The following RABGAP1 variants were observed in gnomAD, a reference collection of about 807,000 sequenced individuals.
The protein encoded by RABGAP1 is rab GTPase-activating protein 1.
In RABGAP1, 23 loss-of-function variants were observed where a neutral mutation model predicts 137.6. The observed-to-expected ratio is 0.17, with a 90% CI of 0.12 to 0.24. The LOEUF is 0.24. Ranked by LOEUF, RABGAP1 falls within the 10% of genes least tolerant of loss-of-function variation. The pLI is 1.00. For synonymous variants in RABGAP1, 451 were observed against 450.7 expected (o/e 1.00, Z -0.01); for missense variants, 906 against 1,275.8 (o/e 0.71, Z 4.42).
At chr9:122,951,843 G>T (rs984977209) in intron 1 of RABGAP1, among the ~76,000 whole-genome samples, 3 of 152,146 alleles carry the variant, frequency 2.0e-5, no homozygotes, top group Non-Finnish European at 4.4e-5. Flanking sequence ...AAGTTTTTGG[G>T]ATAATAGGCA....
At chr9:123,060,134 C>T (rs563511176) in intron 13 of RABGAP1, among the ~76,000 whole-genome samples, 56 of 152,290 alleles carry the variant, frequency 3.7e-4, no homozygotes, top group Non-Finnish European at 7.2e-4. Flanking sequence ...TGTGAGATTA[C>T]AGTTTTTGTG....
chr9:123,083,758 G>A (rs2034783489), intron 19 of RABGAP1, among the ~76,000 whole-genome samples: 1 of 152,212 alleles, frequency 6.6e-6, no homozygotes, highest in South Asian at 2.1e-4. Context: ...TCTGCTGTGT[G>A]ACCCCAGGGT....
intron 13 of RABGAP1, among the ~76,000 whole-genome samples, chr9:123,022,679 A>G (rs950447512): frequency 5.9e-5 from 9 of 152,132 alleles, no homozygotes; most frequent in Non-Finnish European, 2.9e-5. Flanking sequence ...TGCTGGGATT[A>G]CAAGTGTGAG....
At chr9:123,057,542 G>A (rs559221050) in intron 13 of RABGAP1, among the ~76,000 whole-genome samples, 74 of 151,614 alleles carry the variant, frequency 4.9e-4, no homozygotes, top group African/African-American at 1.7e-3. Context: ...GATGGCGGCC[G>A]GGCAGAGACG....
At chr9:123,042,358 T>C (rs2032993253) in intron 13 of RABGAP1, among the ~76,000 whole-genome samples, 1 of 152,170 alleles carries the variant, frequency 6.6e-6, no homozygotes, top group Admixed American at 6.5e-5. Context: ...ATTGCACTTT[T>C]GAGAAAAAGT....
intron 1 of RABGAP1, among the ~76,000 whole-genome samples, chr9:122,956,649 C>CAAAA (rs10661742): frequency 8.2e-6 from 1 of 121,518 alleles, no homozygotes; most frequent in African/African-American, 3.3e-5. Context: ...GACTCCGTCT[C>CAAAA]AAAAAAAAAA....
chr9:123,057,427 A>G (rs1365853412), intron 13 of RABGAP1, among the ~76,000 whole-genome samples: 3 of 142,894 alleles, frequency 2.1e-5, no homozygotes, highest in African/African-American at 8.0e-5. Context: ...GCGGCAGGGC[A>G]GAGGCGCTCC....
At chr9:123,007,137 G>C (rs1445371026) in intron 10 of RABGAP1, among the ~76,000 whole-genome samples, 1 of 151,304 alleles carries the variant, frequency 6.6e-6, no homozygotes, top group Non-Finnish European at 1.5e-5. Context: ...GCAGTGGCAT[G>C]ATCCTGGCTC....
intron 4 of RABGAP1, 119 bp downstream of exon 4, chr9:122,986,538 C>T: frequency 9.1e-7 from 1 of 1,093,906 alleles, no homozygotes; most frequent in East Asian, 2.5e-5. Flanking sequence ...TGTAACGTTT[C>T]ATTTACCTGG....
At chr9:123,041,944 A>T (rs1021874405) in intron 13 of RABGAP1, among the ~76,000 whole-genome samples, 2 of 152,018 alleles carry the variant, frequency 1.3e-5, no homozygotes, top group African/African-American at 2.4e-5. Flanking sequence ...TCCCACCTGA[A>T]TCCCCATCCC....
intron 1 of RABGAP1, among the ~76,000 whole-genome samples, chr9:122,950,446 A>G (rs1432174096): frequency 1.5e-5 from 2 of 135,746 alleles, no homozygotes; most frequent in Non-Finnish European, 1.5e-5. Context: ...GAGAATCTAG[A>G]AAGAAGAATC....
chr9:123,005,212 TTTA>T (rs2030122442), intron 10 of RABGAP1, among the ~76,000 whole-genome samples: 1 of 152,112 alleles, frequency 6.6e-6, no homozygotes, highest in Non-Finnish European at 1.5e-5. Context: ...GGAATAATTT[TTTA>T]TTGTGGTTCT....
chr9:123,029,544 C>G (rs7031933), intron 13 of RABGAP1: 149,660 of 777,130 alleles, frequency 0.19, 23,382 homozygotes, highest in East Asian at 0.69. Context: ...GAGACCACAA[C>G]TGGAGTTATA....
chr9:122,997,324 C>A lies in RABGAP1; in HGVS notation c.1167C>A (p.Ser389=). The change falls in exon 9 of 26, where the codon TCC becomes TCA. Residue 389 remains serine (S), a synonymous_variant. Coordinates refer to ENST00000373647, the MANE Select transcript of RABGAP1 (RefSeq NM_012197.4). ...YVITGSWNPK[S]PHFQVVNEET... ...TTACGGGGAGCTGGAATCCAAAATC[C>A]CCACATTTTCAAGTTGTAAATGAAG... 6.2e-7 allele frequency: 1 copy of A among 1,611,304 alleles called. No individual in the cohort carries two copies. The highest frequency in any genetic ancestry group is 8.5e-7 in the Non-Finnish European group (1 of 1,178,600).
chr9:123,028,625 G>T (rs2032120852), intron 13 of RABGAP1, among the ~76,000 whole-genome samples: 1 of 152,234 alleles, frequency 6.6e-6, no homozygotes, highest in African/African-American at 2.4e-5. Flanking sequence ...GACCAGAGAG[G>T]TGGTAGATAG....
chr9:122,942,332 A>T (rs757572528), intron 1 of RABGAP1, among the ~76,000 whole-genome samples: 3 of 152,186 alleles, frequency 2.0e-5, no homozygotes, highest in Non-Finnish European at 4.4e-5. Flanking sequence ...AAGTTTGTAT[A>T]AGGTGCTATT....
At chr9:122,981,776 T>C (rs1450890188) in intron 2 of RABGAP1, among the ~76,000 whole-genome samples, 1 of 152,146 alleles carries the variant, frequency 6.6e-6, no homozygotes, top group Non-Finnish European at 1.5e-5. Flanking sequence ...AGGCCGGGTG[T>C]AGTGGCTCAT....
intron 13 of RABGAP1, among the ~76,000 whole-genome samples, chr9:123,043,902 T>C (rs1207970236): frequency 1.4e-5 from 2 of 144,244 alleles, no homozygotes; most frequent in Non-Finnish European, 3.0e-5. Context: ...ATTATTTTCT[T>C]TTTTTTTTTT....
At chr9:123,026,735 A>G (rs2031992356) in intron 13 of RABGAP1, among the ~76,000 whole-genome samples, 1 of 152,192 alleles carries the variant, frequency 6.6e-6, no homozygotes. Flanking sequence ...GGAGTTGAAA[A>G]TGAAGGGGAA....
Sources: allele counts gnomAD v4.1 joint callset (sites outside exome capture counted in the v4.1 genomes callset), GRCh38; gene constraint gnomAD v4.1.1; transcripts MANE v1.5; gene names NCBI Gene and HGNC (gene_info 2026-07-23, HGNC 2026-07-21).